The following COL6A3 variants were observed in gnomAD, a reference collection of about 807,000 sequenced individuals.
COL6A3 encodes collagen type VI alpha 3 chain.
A neutral mutation model predicts 274.1 loss-of-function variants in COL6A3; 137 were observed. The observed-to-expected ratio is 0.50, with a 90% confidence interval of 0.44 to 0.58. The LOEUF (loss-of-function observed/expected upper bound fraction) is 0.58, where lower values mean the gene tolerates loss of function less well. Ranked by LOEUF, COL6A3 falls within the 20% of genes least tolerant of loss-of-function variation. The probability of loss-of-function intolerance (pLI) is 0.00; values close to 1 mark genes in which losing one functional copy is unlikely to be tolerated. For synonymous variants in COL6A3, 1,650 were observed against 1,650.6 expected (o/e 1.00, Z 0.01); for missense variants, 3,950 against 4,124.9 (o/e 0.96, Z 1.16).
In COL6A3 at chr2:237,378,757, G is replaced by A. The variant is rs1038000360; in HGVS notation, c.2376C>T (p.Asn792=). ...NKAELEQIAF[N]PSLVYLMDDF... is the part of the protein sequence containing the mutation. ...CATCCATGAGATACACCAGGCTTGG[G>A]TTAAAAGCAATCTGCTCAAGCTCTG... is the stretch of plus-strand genomic sequence containing the variant. The change falls in exon 6 of 44, where the codon AAC becomes AAT. Residue 792 remains asparagine (N), a synonymous_variant. Coordinates refer to ENST00000295550, the MANE Select transcript of COL6A3 (RefSeq NM_004369.4). 3 of 1,614,216 alleles carry A rather than the reference G, an allele frequency of 1.9e-6. No homozygotes were observed. The highest frequency in any genetic ancestry group is 2.2e-5 in the East Asian group (1 of 44,888).
At chr2:237,399,026 G>A (rs2078522704) in intron 1 of COL6A3, among the ~76,000 whole-genome samples, 1 of 152,122 alleles carries the variant, frequency 6.6e-6, no homozygotes. Flanking sequence ...GAAAAAATGG[G>A]GGTGCAGAGA....
chr2:237,359,358 A>C lies in COL6A3; in HGVS notation c.6309+4T>G, dbSNP rs1421626951. ...ATTTGTAAAACAAAACCAAGCTTGC[A>C]TACCTTCTCTCCTGGGAATCCCCGA... On this transcript the variant is annotated splice_donor_region_variant and intron_variant, in intron 18 of 43. Coordinates refer to ENST00000295550, the MANE Select transcript of COL6A3 (RefSeq NM_004369.4). 3.7e-6 allele frequency: 6 copies of C among 1,613,982 alleles called. No homozygotes were observed. In the Admixed American group the frequency reaches 6.7e-5, roughly 18 times the overall value.
At chr2:237,410,131 T>C (rs2078818797) in intron 1 of COL6A3, among the ~76,000 whole-genome samples, 2 of 152,062 alleles carry the variant, frequency 1.3e-5, no homozygotes, top group Admixed American at 6.6e-5. Flanking sequence ...GCTGAGATGG[T>C]CATCACTGAG....
chr2:237,401,378 T>A (rs61175447), intron 1 of COL6A3, among the ~76,000 whole-genome samples: 1 of 151,384 alleles, frequency 6.6e-6, no homozygotes, highest in East Asian at 1.9e-4. Context: ...AGAAATTAAT[T>A]CATTTCAACA....
At chr2:237,353,296 T>C in intron 25 of COL6A3, 45 bp downstream of exon 25, 1 of 1,581,532 alleles carries the variant, frequency 6.3e-7, no homozygotes, top group African/African-American at 1.3e-5. Context: ...TTTAAATGAT[T>C]TGTGAAATAT....
chr2:237,338,542 C>G (rs1001288854), intron 39 of COL6A3, among the ~76,000 whole-genome samples: 2 of 152,112 alleles, frequency 1.3e-5, no homozygotes, highest in Non-Finnish European at 2.9e-5. Context: ...GCAGGCAGAT[C>G]ATTTGAGTTC....
chr2:237,345,248 G>A, intron 32 of COL6A3, 35 bp from the exon 33 acceptor site: 1 of 1,609,876 alleles, frequency 6.2e-7, no homozygotes, highest in Non-Finnish European at 8.5e-7. Flanking sequence ...GAGAGGCACA[G>A]CAGATGGGGA....
intron 1 of COL6A3, among the ~76,000 whole-genome samples, chr2:237,411,349 A>G (rs1342855912): frequency 6.6e-6 from 1 of 152,214 alleles, no homozygotes; most frequent in East Asian, 1.9e-4. Flanking sequence ...TAAACATGGA[A>G]TTTCACATAT....
Position 237,378,765 on chromosome 2 carries a change from C to T in COL6A3, c.2368G>A (p.Ala790Thr). 1 of 1,614,216 alleles carries T rather than the reference C, an allele frequency of 6.2e-7. No homozygotes were observed. The highest frequency in any genetic ancestry group is 2.2e-5 in the East Asian group (1 of 44,892). ...AGATACACCAGGCTTGGGTTAAAAG[C>T]AATCTGCTCAAGCTCTGCCTTATTC... ...QANKAELEQI[A>T]FNPSLVYLMD... The change falls in exon 6 of 44, where the codon GCT becomes ACT. Residue 790 changes from alanine (A) to threonine (T), a missense_variant. By Grantham distance (58) the Ala-to-Thr change is moderately conservative (BLOSUM62 0). Coordinates refer to ENST00000295550, the MANE Select transcript of COL6A3 (RefSeq NM_004369.4).
intron 23 of COL6A3, among the ~76,000 whole-genome samples, chr2:237,356,534 G>GC (rs917349266): frequency 2.6e-5 from 4 of 152,174 alleles, no homozygotes; most frequent in Admixed American, 1.3e-4. Flanking sequence ...CAAGTGCCGG[G>GC]CCGAACGAGC....
In COL6A3 at chr2:237,372,341, C is replaced by G; in HGVS notation, c.3680-4G>C. 1.9e-6 allele frequency: 3 copies of G among 1,603,604 alleles called. No homozygotes were observed. Among genetic ancestry groups the G allele is most frequent in the Non-Finnish European group, 2.5e-6 (3 of 1,179,960 alleles). Reference sequence around the variant, plus strand: ...ACGTCCCTCTTGCCACCAACACCTGCGAAACAAATGTGAGCATGGCTTCAC... The same window carrying G: ...ACGTCCCTCTTGCCACCAACACCTGGGAAACAAATGTGAGCATGGCTTCAC... On this transcript the variant is annotated splice_region_variant and splice_polypyrimidine_tract_variant and intron_variant, in intron 8 of 43. Transcript: ENST00000295550.
intron 2 of COL6A3, among the ~76,000 whole-genome samples, chr2:237,395,441 G>T (rs983365006): frequency 2.6e-5 from 4 of 152,302 alleles, no homozygotes; most frequent in Non-Finnish European, 5.9e-5. Context: ...AGACCATCAT[G>T]AATGGGCCAG....
Position 237,394,729 on chromosome 2 carries a change from T to A in COL6A3, c.567A>T (p.Ala189=), listed in dbSNP as rs1439313697. 1 of 1,614,218 alleles carries A rather than the reference T, an allele frequency of 6.2e-7. No homozygotes were observed. Among genetic ancestry groups the A allele is most frequent in the Non-Finnish European group, 8.5e-7 (1 of 1,180,040 alleles). ...DADEGALKEI[A]SEPLNMHMFN... ...ACATATGCATATTGAGCGGTTCACT[T>A]GCTATTTCTTTTAACGCTCCTTCAT... is the stretch of plus-strand genomic sequence containing the variant. Residue 189 remains alanine, a synonymous_variant, in exon 3 of 44, where the codon GCA becomes GCT. Coordinates refer to ENST00000295550, the MANE Select transcript of COL6A3 (RefSeq NM_004369.4).
At chr2:237,355,950 G>C (rs1412635148) in intron 23 of COL6A3, among the ~76,000 whole-genome samples, 7 of 152,220 alleles carry the variant, frequency 4.6e-5, no homozygotes, top group Non-Finnish European at 1.0e-4. Context: ...GCTCAGGCCA[G>C]AGGCCGCCTG....
At chr2:237,326,487 C>T (rs945133754) in intron 42 of COL6A3, 9 of 152,318 alleles carry the variant, frequency 5.9e-5, no homozygotes, top group African/African-American at 1.9e-4. Flanking sequence ...GCAAAGGTCC[C>T]CTCGACGCCT....
At chr2:237,408,340 G>C (rs1248116129) in intron 1 of COL6A3, among the ~76,000 whole-genome samples, 1 of 152,202 alleles carries the variant, frequency 6.6e-6, no homozygotes, top group African/African-American at 2.4e-5. Context: ...CCATAGTCCT[G>C]CGACTGCTCT....
chr2:237,350,006 G>A (rs1011357815), intron 28 of COL6A3, 141 bp downstream of exon 28: 5 of 855,612 alleles, frequency 5.8e-6, no homozygotes, highest in African/African-American at 1.7e-5. Context: ...TGCCGCAGAT[G>A]AGCAAGTTTC....
rs2078092488 is a variant in COL6A3 at position 237,384,444 on chromosome 2, A to T, written c.1313-2945T>A. Among the ~76,000 whole-genome samples, 3 of 151,830 alleles carry T rather than the reference A, an allele frequency of 2.0e-5. No homozygotes were observed. In the South Asian group the frequency reaches 6.3e-4, roughly 32 times the overall value. ...CCCACGCCTCTCTCTGTTTTCCTCCATGCCTCATCCCTGCACCTCCATCAG... is the reference window on the plus strand; with the variant it reads ...CCCACGCCTCTCTCTGTTTTCCTCCTTGCCTCATCCCTGCACCTCCATCAG... On this transcript the variant is annotated intron_variant, in intron 4 of 43. Coordinates refer to ENST00000295550, the MANE Select transcript of COL6A3 (RefSeq NM_004369.4).
intron 14 of COL6A3, among the ~76,000 whole-genome samples, chr2:237,362,515 C>T (rs2077460092): frequency 6.6e-6 from 1 of 152,218 alleles, no homozygotes; most frequent in Admixed American, 6.5e-5. Flanking sequence ...CAAGAGCTTT[C>T]CCTTTCTCCC....
Sources: gnomAD v4.1 joint callset for allele counts (sites outside exome capture counted in the v4.1 genomes callset) on GRCh38, gnomAD v4.1.1 for gene constraint, MANE v1.5 for transcripts, NCBI Gene and HGNC (gene_info 2026-07-23, HGNC 2026-07-21) for gene names.